Variants in TOX2 observed in about 807,000 individuals in gnomAD.
TOX2 encodes the protein granulosa cell HMG box 1.
A neutral mutation model predicts 47.4 loss-of-function variants in TOX2; 15 were observed. That is an observed-to-expected ratio of 0.32 (90% confidence interval 0.21 to 0.49). The LOEUF is 0.49. Ranked by LOEUF, TOX2 falls within the 20% of genes least tolerant of loss-of-function variation. TOX2 has a pLI of 0.99. For missense variants in TOX2, 622 were observed against 673.1 expected, an observed-to-expected ratio of 0.92 and a Z score of 0.84; for synonymous variants, 290 against 296.6, an observed-to-expected ratio of 0.98 and a Z score of 0.23.
At chr20:44,046,441 G>A (rs910917191) in intron 3 of TOX2, among the ~76,000 whole-genome samples, 17 of 152,308 alleles carry the variant, frequency 1.1e-4, no homozygotes, top group Admixed American at 2.6e-4. Context: ...TATATGATAC[G>A]GCAATTGGAA....
At chr20:43,993,673 T>C (rs1045249003) in intron 2 of TOX2, among the ~76,000 whole-genome samples, 1 of 152,194 alleles carries the variant, frequency 6.6e-6, no homozygotes, top group African/African-American at 2.4e-5. Flanking sequence ...GGGATCCTCC[T>C]AAGTTTAAAT....
At position 44,068,670 on chromosome 20, in the gene TOX2, C is replaced by A. The variant is rs779716371; in HGVS notation, c.1505C>A (p.Ser502Ter). Residue 502 changes from serine (S) to a stop codon, truncating the protein, a stop_gained, in exon 9 of 9, where the codon TCG (serine) becomes TAG (stop). Transcript: ENST00000341197. LOFTEE classifies it high-confidence loss of function. ...CACAGCCTGCTCCCCAGGGACAAAT[C>A]GCTCTACCTCACCTAATCCCGCCTC... ...STCSLLPRDK[S>*]LYLT 1.9e-6 allele frequency: 3 copies of A among 1,613,666 alleles called. No individual in the cohort carries two copies. Among genetic ancestry groups the A allele is most frequent in the Non-Finnish European group, 2.5e-6 (3 of 1,179,642 alleles).
At chr20:43,941,084 C>A (rs1190045189) in intron 1 of TOX2, among the ~76,000 whole-genome samples, 4 of 152,108 alleles carry the variant, frequency 2.6e-5, no homozygotes, top group African/African-American at 9.7e-5. Context: ...GAAATCAACC[C>A]TGGTAATCAC....
intron 1 of TOX2, among the ~76,000 whole-genome samples, chr20:43,964,923 G>C (rs2069824598): frequency 6.6e-6 from 1 of 152,138 alleles, no homozygotes; most frequent in Non-Finnish European, 1.5e-5. Flanking sequence ...GAGCCTCCAA[G>C]TCACTTTTTC....
At chr20:44,035,638 GGAGGGAGACGTGGCT>G (rs2071227355) in intron 3 of TOX2, among the ~76,000 whole-genome samples, 1 of 152,338 alleles carries the variant, frequency 6.6e-6, no homozygotes, top group Admixed American at 6.5e-5. Flanking sequence ...CTGAAGGGCT[GGAGGGAGACGTGGCT>G]GATGCGTGGG....
At chr20:44,009,912 G>A (rs2070751431) in intron 3 of TOX2, among the ~76,000 whole-genome samples, 1 of 152,174 alleles carries the variant, frequency 6.6e-6, no homozygotes, top group African/African-American at 2.4e-5. Flanking sequence ...GACAGTGTGG[G>A]GTGGTGGTTG....
chr20:44,044,611 G>C (rs1371165054), intron 3 of TOX2, among the ~76,000 whole-genome samples: 3 of 152,150 alleles, frequency 2.0e-5, no homozygotes, highest in African/African-American at 4.8e-5. Flanking sequence ...ATTGAAAAGA[G>C]GGAGAGAGAG....
intron 1 of TOX2, among the ~76,000 whole-genome samples, chr20:43,936,484 C>T (rs959299649): frequency 6.6e-6 from 1 of 152,248 alleles, no homozygotes; most frequent in African/African-American, 2.4e-5. Flanking sequence ...CTGGTTGTCT[C>T]TACAGGCTCT....
At position 44,039,412 on chromosome 20, in the gene TOX2, T is replaced by A. The variant is rs150271538; in HGVS notation, c.412-11894T>A. ...TGGGCCCCTGGGAGCTGCTGAGAGA[T>A]GGAGAGCAGGGAGGCGACATTTCAT... is the stretch of plus-strand genomic sequence containing the variant. On this transcript the variant is annotated intron_variant, in intron 3 of 8. Coordinates refer to ENST00000341197, the MANE Select transcript of TOX2 (RefSeq NM_001098797.2). 6.5e-3 allele frequency among the ~76,000 whole-genome samples: 984 copies of A among 151,950 alleles called. 12 individuals are homozygous for A. Among genetic ancestry groups the A allele is most frequent in the African/African-American group, 0.022 (932 of 41,436 alleles).
chr20:43,915,096 G>T lies in TOX2; in HGVS notation c.99+106G>T. 1 of 578,200 alleles carries T rather than the reference G, an allele frequency of 1.7e-6. No individual in the cohort carries two copies. Among genetic ancestry groups the T allele is most frequent in the Non-Finnish European group, 2.3e-6 (1 of 440,198 alleles). The allele number at this position is 578,200 out of a possible 1,614,324, so 35.8% of individuals were successfully genotyped here. A position where few individuals can be genotyped will look rare whatever the true frequency, so the allele number is the denominator to read the frequency against. On this transcript the variant is annotated intron_variant, in intron 1 of 8. Coordinates refer to ENST00000341197, the MANE Select transcript of TOX2 (RefSeq NM_001098797.2). This position sits in a 1 kb window ranked among gnomAD's most constrained non-coding sequence, Gnocchi z 7.1. ...ACACGGGGCCGCGCACATCAGCCCC[G>T]CCGACGGGCACGGGCGGCTCACATC...
chr20:43,989,005 A>T (rs2070321100), intron 2 of TOX2, among the ~76,000 whole-genome samples: 1 of 152,166 alleles, frequency 6.6e-6, no homozygotes, highest in Non-Finnish European at 1.5e-5. Flanking sequence ...TGGAATTTGA[A>T]CCACAGTTAG....
At chr20:43,959,954 A>G (rs899563020) in intron 1 of TOX2, among the ~76,000 whole-genome samples, 2 of 152,146 alleles carry the variant, frequency 1.3e-5, no homozygotes, top group Non-Finnish European at 2.9e-5. Flanking sequence ...ATTAGAGTGT[A>G]GGCTCTGGAG....
At chr20:44,034,936 C>A (rs1410382868) in intron 3 of TOX2, among the ~76,000 whole-genome samples, 1 of 152,272 alleles carries the variant, frequency 6.6e-6, no homozygotes, top group Non-Finnish European at 1.5e-5. Flanking sequence ...GCTCCTCCTT[C>A]TATGTCTCCA....
At chr20:44,051,248 G>A in intron 3 of TOX2, 58 bp from the exon 4 acceptor site, 3 of 1,544,672 alleles carry the variant, frequency 1.9e-6, no homozygotes, top group East Asian at 2.3e-5. Flanking sequence ...TAGCACAGAT[G>A]TGATGGAGTG....
chr20:44,019,053 A>G lies in TOX2; in HGVS notation c.411+12261A>G, dbSNP rs2070935552. On this transcript the variant is annotated intron_variant, in intron 3 of 8. Transcript: ENST00000341197. Reference sequence around the variant, plus strand: ...TCTGATGCTTTGCTTCATGTGTGGCATGTAGCAGGTGTCTGAAAAAGGTTT... The same window carrying G: ...TCTGATGCTTTGCTTCATGTGTGGCGTGTAGCAGGTGTCTGAAAAAGGTTT... 2.0e-5 allele frequency among the ~76,000 whole-genome samples: 3 copies of G among 152,252 alleles called. No individual in the cohort carries two copies. In the South Asian group the frequency reaches 6.2e-4, roughly 32 times the overall value.
chr20:43,915,036 A>G lies in TOX2; in HGVS notation c.99+46A>G. On this transcript the variant is annotated intron_variant, in intron 1 of 8. Coordinates refer to ENST00000341197, the MANE Select transcript of TOX2 (RefSeq NM_001098797.2). This position sits in a 1 kb window ranked among gnomAD's most constrained non-coding sequence, Gnocchi z 7.1. ...GTCCCCGGCGGGCGGGGCCGGAGTCACCTGGCAGCTCGGGACTCAGGCGCT... is the reference window on the plus strand; with the variant it reads ...GTCCCCGGCGGGCGGGGCCGGAGTCGCCTGGCAGCTCGGGACTCAGGCGCT... 1.7e-6 allele frequency: 2 copies of G among 1,159,764 alleles called. No individual in the cohort carries two copies. Among genetic ancestry groups the G allele is most frequent in the Non-Finnish European group, 2.2e-6 (2 of 928,028 alleles). The allele number at this position is 1,159,764 out of a possible 1,614,324, so 71.8% of individuals were successfully genotyped here.
chr20:44,056,723 C>T (rs1254839428), intron 5 of TOX2, among the ~76,000 whole-genome samples: 1 of 152,078 alleles, frequency 6.6e-6, no homozygotes, highest in African/African-American at 2.4e-5. Context: ...CTTGTTTCTC[C>T]CCATTTTCCT....
chr20:43,938,324 C>T (rs1301522051), intron 1 of TOX2, among the ~76,000 whole-genome samples: 2 of 152,214 alleles, frequency 1.3e-5, no homozygotes, highest in African/African-American at 4.8e-5. Context: ...ACCGGGACCC[C>T]TTAGTCCTCC....
At chr20:43,977,075 G>C (rs932665796) in intron 2 of TOX2, among the ~76,000 whole-genome samples, 1 of 152,174 alleles carries the variant, frequency 6.6e-6, no homozygotes, top group African/African-American at 2.4e-5. Flanking sequence ...GCCATTTCTG[G>C]AAAACATTTG....
Sources: allele counts gnomAD v4.1 joint callset (sites outside exome capture counted in the v4.1 genomes callset), GRCh38; gene constraint gnomAD v4.1.1; non-coding constraint Gnocchi (gnomAD v3.1); transcripts MANE v1.5; gene names NCBI Gene and HGNC (gene_info 2026-07-23, HGNC 2026-07-21).